The following ZMYND11 variants were observed in gnomAD, a reference collection of about 807,000 sequenced individuals.
ZMYND11 encodes zinc finger MYND domain-containing protein 11.
Under a neutral mutation model 84.9 loss-of-function variants are expected in ZMYND11, and 9 were observed. The observed-to-expected ratio is 0.11, with a 90% CI of 0.06 to 0.18. The LOEUF (loss-of-function observed/expected upper bound fraction) is 0.18, where lower values mean the gene tolerates loss of function less well. ZMYND11 is among the 10% of genes least tolerant of loss of function. ZMYND11 has a pLI of 1.00. For synonymous variants in ZMYND11, 250 were observed against 244.1 expected (o/e 1.02, Z -0.23); for missense variants, 409 against 761.0 (o/e 0.54, Z 5.44).
intron 1 of ZMYND11, among the ~76,000 whole-genome samples, chr10:160,992 T>G (rs1842842247): frequency 7.4e-6 from 1 of 135,466 alleles, no homozygotes; most frequent in South Asian, 2.3e-4. Flanking sequence ...GACAGGGTCG[T>G]GCTCTGTCAC....
intron 1 of ZMYND11, among the ~76,000 whole-genome samples, chr10:143,951 C>T (rs550454907): frequency 1.3e-4 from 20 of 149,440 alleles, no homozygotes; most frequent in East Asian, 7.9e-4. Flanking sequence ...TTGCAGTGAG[C>T]GGAGATCATG....
intron 10 of ZMYND11, among the ~76,000 whole-genome samples, chr10:245,153 G>C (rs1487687410): frequency 6.6e-6 from 1 of 152,124 alleles, no homozygotes; most frequent in Non-Finnish European, 1.5e-5. Flanking sequence ...TCAAAGTTCA[G>C]TTTACTTTGA....
intron 10 of ZMYND11, among the ~76,000 whole-genome samples, chr10:242,556 A>G (rs1489669414): frequency 6.6e-6 from 1 of 152,142 alleles, no homozygotes; most frequent in Non-Finnish European, 1.5e-5. Flanking sequence ...ATGTGTGTAA[A>G]TACCTGAAGC....
At chr10:141,059 T>G (rs1366768773) in intron 1 of ZMYND11, among the ~76,000 whole-genome samples, 5 of 152,230 alleles carry the variant, frequency 3.3e-5, no homozygotes, top group African/African-American at 7.2e-5. Context: ...ACACATTAAT[T>G]GGAAAATGTG....
intron 4 of ZMYND11, among the ~76,000 whole-genome samples, chr10:230,223 C>T (rs1187464605): frequency 2.6e-5 from 4 of 152,004 alleles, no homozygotes; most frequent in Non-Finnish European, 5.9e-5. Flanking sequence ...GCCTGTAATC[C>T]CAGCACTGTG....
At chr10:136,489 G>C (rs540772339) in intron 1 of ZMYND11, among the ~76,000 whole-genome samples, 3 of 152,236 alleles carry the variant, frequency 2.0e-5, no homozygotes, top group Admixed American at 1.3e-4. Context: ...GAAGTACCCG[G>C]TGTCGTACCG....
chr10:187,559 G>A (rs570547294), intron 2 of ZMYND11, among the ~76,000 whole-genome samples: 2 of 151,906 alleles, frequency 1.3e-5, no homozygotes, highest in South Asian at 2.1e-4. Flanking sequence ...GGGTGAACCC[G>A]GGAGGCGGAG....
chr10:206,820 GT>G (rs1944258994), intron 2 of ZMYND11, among the ~76,000 whole-genome samples: 1 of 151,862 alleles, frequency 6.6e-6, no homozygotes. Context: ...GCTTAGAAAT[GT>G]TTTAATTTTT....
chr10:215,354 T>C (rs538752068), intron 3 of ZMYND11, among the ~76,000 whole-genome samples: 1 of 152,238 alleles, frequency 6.6e-6, no homozygotes, highest in East Asian at 1.9e-4. Context: ...CTTCTCCCTT[T>C]ACTTACCTAC....
chr10:133,978 T>C (rs1835406509), upstream of ZMYND11, among the ~76,000 whole-genome samples: 1 of 152,154 alleles, frequency 6.6e-6, no homozygotes, highest in Middle Eastern at 3.2e-3. Context: ...AAACCAGCTG[T>C]AGAAGCAGAT....
intron 2 of ZMYND11, among the ~76,000 whole-genome samples, chr10:202,759 A>G (rs1259413999): frequency 6.6e-6 from 1 of 152,184 alleles, no homozygotes; most frequent in African/African-American, 2.4e-5. Context: ...AGAGAACGAA[A>G]TGACCAGAAT....
rs1953910680 is a variant in ZMYND11, at chr10:253,671, T to C, written c.*1201T>C. On this transcript the variant is annotated 3_prime_UTR_variant, in exon 15 of 15. Coordinates refer to ENST00000381604, the MANE Select transcript of ZMYND11 (RefSeq NM_001370100.5). ...TAAATTACTTTTCTTTTAAAATATC[T>C]CACAATTTATGTGGTATTTTTAAAG... 6.6e-6 allele frequency: 1 copy of C among 152,626 alleles called. No homozygotes were observed. The highest frequency in any genetic ancestry group is 1.5e-5 in the Non-Finnish European group (1 of 68,042). The allele number at this position is 152,626 out of a possible 1,614,324, so 9.5% of individuals were successfully genotyped here.
At chr10:152,055 C>G (rs1218738153) in intron 1 of ZMYND11, among the ~76,000 whole-genome samples, 1 of 152,164 alleles carries the variant, frequency 6.6e-6, no homozygotes, top group East Asian at 1.9e-4. Flanking sequence ...TACAAGAGCT[C>G]CTGAAGGAAG....
At chr10:202,090 G>A (rs1216357262) in intron 2 of ZMYND11, among the ~76,000 whole-genome samples, 1 of 152,148 alleles carries the variant, frequency 6.6e-6, no homozygotes, top group African/African-American at 2.4e-5. Context: ...GATGATCTAA[G>A]AAAATGAATA....
intron 10 of ZMYND11, among the ~76,000 whole-genome samples, chr10:242,608 G>T (rs991527665): frequency 2.0e-5 from 3 of 152,170 alleles, no homozygotes; most frequent in African/African-American, 7.2e-5. Context: ...GAATTCACAT[G>T]CAATTTATTT....
upstream of ZMYND11, among the ~76,000 whole-genome samples, chr10:132,291 T>TATA (rs1316576329): frequency 6.1e-5 from 9 of 148,586 alleles, no homozygotes; most frequent in Admixed American, 1.3e-4. Flanking sequence ...TAATATAATA[T>TATA]ATATATTTTA....
intron 1 of ZMYND11, among the ~76,000 whole-genome samples, chr10:168,067 A>G (rs1470650128): frequency 2.0e-5 from 3 of 152,118 alleles, no homozygotes; most frequent in Non-Finnish European, 2.9e-5. Flanking sequence ...TTTATTTAGC[A>G]TCTACTTTAT....
chr10:212,481 C>A (rs1162279113), intron 3 of ZMYND11, among the ~76,000 whole-genome samples: 1 of 150,730 alleles, frequency 6.6e-6, no homozygotes, highest in East Asian at 1.9e-4. Context: ...ATTTAAAATT[C>A]AGAGGTAATG....
chr10:194,912 T>C (rs1941374159), intron 2 of ZMYND11, among the ~76,000 whole-genome samples: 1 of 152,204 alleles, frequency 6.6e-6, no homozygotes, highest in Non-Finnish European at 1.5e-5. Flanking sequence ...TCTGAAATTA[T>C]TGAAAGGTAC....
Sources: gnomAD v4.1 joint callset for allele counts (sites outside exome capture counted in the v4.1 genomes callset) on GRCh38, gnomAD v4.1.1 for gene constraint, MANE v1.5 for transcripts, NCBI Gene and HGNC (gene_info 2026-07-23, HGNC 2026-07-21) for gene names.